Variants in MLC1 observed in about 807,000 individuals in gnomAD.
MLC1 encodes membrane protein MLC1.
Under a neutral mutation model 44.7 loss-of-function variants are expected in MLC1, and 32 were observed. That is an observed-to-expected ratio of 0.72 (90% CI 0.54 to 0.96). The LOEUF is 0.96. Ranked by LOEUF, MLC1 falls within the 40% of genes least tolerant of loss-of-function variation. The pLI is 0.00. For missense variants in MLC1, 459 were observed against 492.2 expected, an observed-to-expected ratio of 0.93 and a Z score of 0.64; for synonymous variants, 190 against 213.0, an observed-to-expected ratio of 0.89 and a Z score of 0.94.
upstream of MLC1, chr22:50,085,668 C>T (rs2062262512): frequency 6.5e-6 from 1 of 152,746 alleles, no homozygotes; most frequent in Non-Finnish European, 1.5e-5. Flanking sequence ...ACCAAGTACA[C>T]ATTCTGAGCA....
At chr22:50,063,741 G>GCACC (rs1569241523) in intron 11 of MLC1, among the ~76,000 whole-genome samples, 11 of 81,128 alleles carry the variant, frequency 1.4e-4, no homozygotes, top group Non-Finnish European at 1.8e-4. Context: ...CACCTCCCCA[G>GCACC]TGCCCCCACC....
At chr22:50,082,167 G>C (rs1304360483) in intron 3 of MLC1, among the ~76,000 whole-genome samples, 1 of 151,742 alleles carries the variant, frequency 6.6e-6, no homozygotes, top group Non-Finnish European at 1.5e-5. Context: ...CAGGAGGGGC[G>C]TGGGGTCCGC....
At chr22:50,078,703 C>A (rs960194373) in intron 5 of MLC1, among the ~76,000 whole-genome samples, 4 of 150,448 alleles carry the variant, frequency 2.7e-5, no homozygotes, top group Non-Finnish European at 5.9e-5. Context: ...GGAGCCACTG[C>A]ACTCCAGTCT....
At position 50,083,218 on chromosome 22, in the gene MLC1, C is replaced by G. The variant is rs1290721371; in HGVS notation, c.178-45G>C. On this transcript the variant is annotated intron_variant, in intron 2 of 11. Coordinates refer to ENST00000311597, the MANE Select transcript of MLC1 (RefSeq NM_015166.4). This position sits in a 1 kb window ranked among gnomAD's most constrained non-coding sequence, Gnocchi z 4.6. The stretch of plus-strand genomic sequence containing the variant: ...TCCCAGGTTACAACGCGCCCCGTCC[C>G]CAGGCTGGACCCTGACCCTTCAACT... 2.0e-6 allele frequency: 3 copies of G among 1,529,770 alleles called. No homozygotes were observed. Among genetic ancestry groups the G allele is most frequent in the East Asian group, 2.3e-5 (1 of 44,408 alleles). 94.8% of individuals were successfully genotyped at this position (1,529,770 alleles called of 1,614,324 possible). A position where few individuals can be genotyped will look rare whatever the true frequency, so the allele number is the denominator to read the frequency against.
At chr22:50,079,773 G>T in intron 5 of MLC1, 145 bp downstream of exon 5, 1 of 737,784 alleles carries the variant, frequency 1.4e-6, no homozygotes, top group Non-Finnish European at 2.5e-6. Flanking sequence ...TTCTTTGGAT[G>T]CATAAATCTC....
intron 7 of MLC1, among the ~76,000 whole-genome samples, chr22:50,075,740 C>T (rs905032095): frequency 2.0e-4 from 30 of 150,740 alleles, no homozygotes; most frequent in Non-Finnish European, 4.4e-5. Flanking sequence ...AGAAGCAGAA[C>T]GGAAATGGAA....
At chr22:50,075,725 A>T (rs925862493) in intron 7 of MLC1, among the ~76,000 whole-genome samples, 1 of 152,182 alleles carries the variant, frequency 6.6e-6, no homozygotes, top group Admixed American at 6.5e-5. Flanking sequence ...AAGGAAAAAA[A>T]AAAAAGAAGC....
rs563960531 is a variant in MLC1, at chr22:50,064,325, C to G, written c.895-127G>C. On this transcript the variant is annotated intron_variant, in intron 10 of 11. Transcript: ENST00000311597. ...GGGCTCGAGTCGGAGCCCCAGTAAC[C>G]CAAACGCATTGCTATTTCAACAACC... 7 of 1,090,012 alleles carry G rather than the reference C, an allele frequency of 6.4e-6. No homozygotes were observed. The East Asian group carries it at 1.8e-4, about 28-fold the overall frequency. 67.5% of individuals were successfully genotyped at this position (1,090,012 alleles called of 1,614,324 possible). A position where few individuals can be genotyped will look rare whatever the true frequency, so the allele number is the denominator to read the frequency against.
At chr22:50,080,283 C>T (rs565142997) in intron 4 of MLC1, 61 bp downstream of exon 4, 3 of 1,533,472 alleles carry the variant, frequency 2.0e-6, no homozygotes, top group East Asian at 2.4e-5. Flanking sequence ...CACATGGGCA[C>T]ACTGTCTGTC....
At chr22:50,061,774 G>T in intron 11 of MLC1, 117 bp from the exon 12 acceptor site, 1 of 920,768 alleles carries the variant, frequency 1.1e-6, no homozygotes, top group Non-Finnish European at 1.7e-6. Context: ...TTCTTCGAAT[G>T]TGAAGGAAGT....
At chr22:50,076,057 G>A (rs1327705981) in intron 7 of MLC1, among the ~76,000 whole-genome samples, 3 of 152,132 alleles carry the variant, frequency 2.0e-5, no homozygotes, top group Non-Finnish European at 4.4e-5. Flanking sequence ...AGGCAGGGAA[G>A]GAGGGAAAAA....
intron 11 of MLC1, among the ~76,000 whole-genome samples, chr22:50,061,868 C>G (rs190746868): frequency 1.3e-5 from 2 of 152,212 alleles, no homozygotes; most frequent in South Asian, 2.1e-4. Flanking sequence ...CATCCCCCCC[C>G]GCACACACGG....
intron 3 of MLC1, among the ~76,000 whole-genome samples, chr22:50,080,836 T>G (rs1188584848): frequency 1.3e-5 from 2 of 152,072 alleles, no homozygotes; most frequent in African/African-American, 4.8e-5. Flanking sequence ...GCACAAGACC[T>G]GGTCTTTGCT....
Position 50,083,176 on chromosome 22 carries a change from G to A in MLC1, c.178-3C>T. ...CCCGAGGTCACCAGGAGGCAGCTCTGCAAGACAGCGACAGAATCCCAGGTT... is the reference window on the plus strand; with the variant it reads ...CCCGAGGTCACCAGGAGGCAGCTCTACAAGACAGCGACAGAATCCCAGGTT... On this transcript the variant is annotated splice_polypyrimidine_tract_variant and splice_region_variant and intron_variant, in intron 2 of 11. Coordinates refer to ENST00000311597, the MANE Select transcript of MLC1 (RefSeq NM_015166.4). The surrounding 1 kb of genome is among the most constrained non-coding windows in gnomAD (Gnocchi z 4.6). 1 of 1,613,646 alleles carries A rather than the reference G, an allele frequency of 6.2e-7. No homozygotes were observed. The highest frequency in any genetic ancestry group is 8.5e-7 in the Non-Finnish European group (1 of 1,179,630).
chr22:50,072,944 G>A (rs1281229926), intron 8 of MLC1: 1 of 152,458 alleles, frequency 6.6e-6, no homozygotes, highest in Non-Finnish European at 1.5e-5. Context: ...GCATTGCTCT[G>A]TGCCTACTCG....
intron 10 of MLC1, 121 bp downstream of exon 10, chr22:50,068,312 G>T: frequency 7.1e-7 from 1 of 1,405,116 alleles, no homozygotes; most frequent in Non-Finnish European, 9.8e-7. Context: ...AGCGGAGGAG[G>T]TGCCTCCTGG....
At chr22:50,085,554 G>A (rs2062260370), upstream of MLC1, 1 of 157,424 alleles carries the variant, frequency 6.4e-6, no homozygotes, top group Non-Finnish European at 1.4e-5. Context: ...CACTGCCTCG[G>A]AGCTGTCAGA....
At chr22:50,065,426 A>C (rs988950303) in intron 10 of MLC1, among the ~76,000 whole-genome samples, 6 of 152,318 alleles carry the variant, frequency 3.9e-5, no homozygotes, top group South Asian at 2.1e-4. Flanking sequence ...CTATTTAAAA[A>C]AATAGCTTTC....
At chr22:50,066,558 G>A (rs1202861154) in intron 10 of MLC1, among the ~76,000 whole-genome samples, 1 of 152,062 alleles carries the variant, frequency 6.6e-6, no homozygotes, top group Non-Finnish European at 1.5e-5. Flanking sequence ...TGCTCCGGAG[G>A]CTGAGGCAGG....
Sources: allele counts gnomAD v4.1 joint callset (sites outside exome capture counted in the v4.1 genomes callset), GRCh38; gene constraint gnomAD v4.1.1; non-coding constraint Gnocchi (gnomAD v3.1); transcripts MANE v1.5; gene names NCBI Gene and HGNC (gene_info 2026-07-23, HGNC 2026-07-21).